DIMT1: variants seen among roughly 807,000 people sequenced by gnomAD.
The protein encoded by DIMT1 is DIM1 rRNA methyltransferase and ribosome maturation factor, also known as dimethyladenosine transferase.
In DIMT1, 36 loss-of-function variants were observed where a neutral mutation model predicts 43.2. The ratio of observed to expected loss-of-function variants is 0.83; its 90% CI spans 0.64 to 1.10. The LOEUF is 1.10. Ranked by LOEUF, DIMT1 falls within the 50% of genes least tolerant of loss-of-function variation. The pLI is 0.00. For synonymous variants in DIMT1, 126 were observed against 130.3 expected (o/e 0.97, Z 0.22); for missense variants, 341 against 385.3 (o/e 0.88, Z 0.96).
At chr5:62,394,675 T>C in intron 6 of DIMT1, 68 bp from the exon 7 acceptor site, 1 of 1,597,990 alleles carries the variant, frequency 6.3e-7, no homozygotes, top group Admixed American at 1.7e-5. Flanking sequence ...TTAACTGCAA[T>C]GAATTTTCTT....
At chr5:62,396,977 C>T (rs1200095585) in intron 6 of DIMT1, among the ~76,000 whole-genome samples, 2 of 152,170 alleles carry the variant, frequency 1.3e-5, no homozygotes, top group Non-Finnish European at 2.9e-5. Flanking sequence ...CAATCTCGCT[C>T]TGTTGCCCAG....
intron 11 of DIMT1, among the ~76,000 whole-genome samples, chr5:62,389,427 A>G (rs1742189092): frequency 7.0e-6 from 1 of 142,254 alleles, no homozygotes; most frequent in South Asian, 2.2e-4. Flanking sequence ...CGGAGGTTGC[A>G]GTGAGCTGAG....
chr5:62,401,682 A>T (rs1428453213), intron 3 of DIMT1, among the ~76,000 whole-genome samples: 1 of 142,710 alleles, frequency 7.0e-6, no homozygotes, highest in Non-Finnish European at 1.5e-5. Context: ...TTCCGGGTTC[A>T]AGTGATTCTC....
chr5:62,394,644 A>G (rs1456380762), intron 6 of DIMT1, 37 bp from the exon 7 acceptor site: 1 of 1,608,770 alleles, frequency 6.2e-7, no homozygotes, highest in Non-Finnish European at 8.5e-7. Flanking sequence ...GAAAATGGTC[A>G]TTGTCAACTA....
intron 11 of DIMT1, among the ~76,000 whole-genome samples, chr5:62,389,778 TTC>T (rs1183896306): frequency 3.3e-5 from 5 of 152,180 alleles, no homozygotes; most frequent in Admixed American, 2.6e-4. Flanking sequence ...TACACATTGT[TTC>T]TCTCTGTAGA....
At chr5:62,395,288 G>A (rs950402280) in intron 6 of DIMT1, among the ~76,000 whole-genome samples, 1 of 152,072 alleles carries the variant, frequency 6.6e-6, no homozygotes, top group African/African-American at 2.4e-5. Flanking sequence ...GCCTCCCAAA[G>A]TGCTGGGATT....
At chr5:62,393,443 T>G (rs1742374171) in intron 8 of DIMT1, among the ~76,000 whole-genome samples, 2 of 152,156 alleles carry the variant, frequency 1.3e-5, no homozygotes, top group African/African-American at 4.8e-5. Flanking sequence ...ATGGCGTTTA[T>G]TTAAATCTAA....
intron 11 of DIMT1, 70 bp from the exon 12 acceptor site, chr5:62,389,122 A>G (rs1485663022): frequency 7.8e-7 from 1 of 1,279,986 alleles, no homozygotes; most frequent in Non-Finnish European, 1.1e-6. Flanking sequence ...ATATAGTTCT[A>G]TACCATTAAT....
intron 11 of DIMT1, 26 bp downstream of exon 11, chr5:62,390,850 A>T (rs1480188775): frequency 6.3e-7 from 1 of 1,584,988 alleles, no homozygotes; most frequent in Non-Finnish European, 8.7e-7. Flanking sequence ...AAATGTAAAC[A>T]CTTAGGAAAA....
chr5:62,403,813 G>C lies in DIMT1; in HGVS notation c.-41C>G. 6.3e-7 allele frequency: 1 copy of C among 1,591,048 alleles called. No individual in the cohort carries two copies. Among genetic ancestry groups the C allele is most frequent in the South Asian group, 1.1e-5 (1 of 89,480 alleles). On this transcript the variant is annotated 5_prime_UTR_variant, in exon 1 of 12. Coordinates refer to ENST00000199320, the MANE Select transcript of DIMT1 (RefSeq NM_014473.4). ...GCCCACAGGCCCGGGACGTCAAGGA[G>C]GACCAAAGAGGGCTAGCGTGAGAAA... is the stretch of plus-strand genomic sequence containing the variant.
chr5:62,401,041 A>G (rs755740559), intron 3 of DIMT1, among the ~76,000 whole-genome samples: 1 of 152,094 alleles, frequency 6.6e-6, no homozygotes, highest in African/African-American at 2.4e-5. Context: ...GTGAGCCACC[A>G]TGAAAGGCCC....
intron 10 of DIMT1, 68 bp downstream of exon 10, chr5:62,392,103 C>G: frequency 6.2e-7 from 1 of 1,604,316 alleles, no homozygotes; most frequent in Non-Finnish European, 8.5e-7. Flanking sequence ...GCTAGATCAA[C>G]AAGAATAAAA....
chr5:62,396,320 G>C (rs368492341), intron 6 of DIMT1, among the ~76,000 whole-genome samples: 2 of 151,736 alleles, frequency 1.3e-5, no homozygotes, highest in African/African-American at 4.8e-5. Flanking sequence ...GACAGCCTGG[G>C]CAACATGGCA....
Position 62,388,365 on chromosome 5 carries a change from G to A in DIMT1, c.*645C>T, listed in dbSNP as rs1194043822. 3 of 152,242 alleles carry A rather than the reference G, an allele frequency of 2.0e-5. No homozygotes were observed. Among genetic ancestry groups the A allele is most frequent in the African/African-American group, 7.2e-5 (3 of 41,444 alleles). The allele number at this position is 152,242 out of a possible 1,614,324, so 9.4% of individuals were successfully genotyped here. A position where few individuals can be genotyped will look rare whatever the true frequency, so the allele number is the denominator to read the frequency against. On this transcript the variant is annotated 3_prime_UTR_variant, in exon 12 of 12. Transcript: ENST00000199320. ...CCTCATTTTACATGTTGGGAGTCAT[G>A]CCCTTTAATATGCCTGGCACTGCAC...
chr5:62,398,471 T>C, intron 6 of DIMT1, 40 bp downstream of exon 6: 1 of 1,602,466 alleles, frequency 6.2e-7, no homozygotes, highest in Non-Finnish European at 8.5e-7. Flanking sequence ...ACTGTAAGTC[T>C]TTCAAAATTT....
intron 8 of DIMT1, among the ~76,000 whole-genome samples, chr5:62,393,751 T>G (rs1420880248): frequency 6.6e-6 from 1 of 151,892 alleles, no homozygotes; most frequent in African/African-American, 2.4e-5. Flanking sequence ...ATTTTTTCTT[T>G]TTTTTTTTTG....
intron 1 of DIMT1, 78 bp downstream of exon 1, chr5:62,403,616 T>G: frequency 1.3e-6 from 2 of 1,496,448 alleles, no homozygotes; most frequent in Non-Finnish European, 9.1e-7. Flanking sequence ...GCCGATCAGG[T>G]CTTGGTCCGC....
chr5:62,398,436 A>C (rs1478194154), intron 6 of DIMT1, 75 bp downstream of exon 6: 2 of 1,466,214 alleles, frequency 1.4e-6, no homozygotes, highest in African/African-American at 1.4e-5. Flanking sequence ...GACCTGACTC[A>C]TTTTTGGCTA....
At chr5:62,403,624 C>G (rs26649) in intron 1 of DIMT1, 70 bp downstream of exon 1, 16 of 1,521,052 alleles carry the variant, frequency 1.1e-5, no homozygotes, top group South Asian at 2.4e-5. Context: ...GGTCTTGGTC[C>G]GCACCCCAGG....
Sources: gnomAD v4.1 joint callset for allele counts (sites outside exome capture counted in the v4.1 genomes callset) on GRCh38, gnomAD v4.1.1 for gene constraint, MANE v1.5 for transcripts, NCBI Gene and HGNC (gene_info 2026-07-23, HGNC 2026-07-21) for gene names.